Variants in PCDHA9 observed in about 807,000 individuals in gnomAD.
The protein encoded by PCDHA9 is protocadherin alpha-9.
PCDHA9 carries 62 observed loss-of-function variants against 62.0 expected under a neutral mutation model. The ratio of observed to expected loss-of-function variants is 1.00; its 90% CI spans 0.81 to 1.23. PCDHA9 has a LOEUF of 1.23. PCDHA9 is among the 50% of genes most tolerant of loss of function. PCDHA9 has a pLI of 0.00. For synonymous variants in PCDHA9, 557 were observed against 567.6 expected (o/e 0.98, Z 0.27); for missense variants, 1,205 against 1,249.8 (o/e 0.96, Z 0.54).
intron 1 of PCDHA9, among the ~76,000 whole-genome samples, chr5:140,963,688 G>A (rs185853589): frequency 5.9e-5 from 9 of 152,274 alleles, no homozygotes; most frequent in Admixed American, 5.9e-4. Context: ...GTTTATCCGT[G>A]TTTGATATCT....
intron 1 of PCDHA9, among the ~76,000 whole-genome samples, chr5:140,896,352 A>G (rs1045413506): frequency 2.6e-5 from 4 of 152,166 alleles, no homozygotes; most frequent in African/African-American, 4.8e-5. Flanking sequence ...TCCCGCCAGC[A>G]GTGTATAAGC....
intron 1 of PCDHA9, among the ~76,000 whole-genome samples, chr5:140,963,905 G>A (rs1326633249): frequency 6.6e-6 from 1 of 152,182 alleles, no homozygotes; most frequent in African/African-American, 2.4e-5. Flanking sequence ...TGAGTAAAGT[G>A]AAGCTTAGGC....
intron 1 of PCDHA9, chr5:140,928,720 A>G (rs2085475122): frequency 6.2e-7 from 1 of 1,614,076 alleles, no homozygotes. Flanking sequence ...TAGTCTCTTT[A>G]GAATTTCAGC....
chr5:140,898,528 TG>T (rs2066807286), intron 1 of PCDHA9, among the ~76,000 whole-genome samples: 1 of 152,236 alleles, frequency 6.6e-6, no homozygotes, highest in African/African-American at 2.4e-5. Flanking sequence ...CTGAGGGCTC[TG>T]TTCTGTTCCA....
In PCDHA9 at chr5:140,882,102, C is replaced by A. The variant is rs2058951166; in HGVS notation, c.2394+31213C>A. 1.4e-5 allele frequency: 18 copies of A among 1,308,166 alleles called. No individual in the cohort carries two copies. In the South Asian group the frequency reaches 2.1e-4, roughly 16 times the overall value. 81.0% of individuals were successfully genotyped at this position (1,308,166 alleles called of 1,614,324 possible). On this transcript the variant is annotated intron_variant, in intron 1 of 3. Transcript: ENST00000532602. ...TCGCTCTTCACTGAGAACGTTTCCG[C>A]GAAGAAAGCCGCCGTTTCTTTCTTC...
chr5:140,928,697 G>A (rs1554206190), intron 1 of PCDHA9: 1 of 1,614,122 alleles, frequency 6.2e-7, no homozygotes, highest in Non-Finnish European at 8.5e-7. Context: ...CACATCTCCC[G>A]GGCGTCTGAC....
At position 140,877,303 on chromosome 5, in the gene PCDHA9, T is replaced by C. The variant is rs566187421; in HGVS notation, c.2394+26414T>C. 3.5e-4 allele frequency: 564 copies of C among 1,613,850 alleles called. 6 individuals are homozygous for C. In the South Asian group the frequency reaches 5.9e-3, roughly 17 times the overall value. On this transcript the variant is annotated intron_variant, in intron 1 of 3. Transcript: ENST00000532602. ...CTATAACGCTTGGCTGTCCTACGAGTTGCAACCGGCGGCGGTCGGCGCGCA... is the reference window on the plus strand; with the variant it reads ...CTATAACGCTTGGCTGTCCTACGAGCTGCAACCGGCGGCGGTCGGCGCGCA...
chr5:140,967,074 A>C (rs1554229140), intron 1 of PCDHA9: 1 of 1,613,138 alleles, frequency 6.2e-7, no homozygotes. Flanking sequence ...TTCGTCAACG[A>C]GCGCATTGAT....
intron 1 of PCDHA9, chr5:140,854,171 A>AAAAAC (rs2043016661): frequency 1.5e-5 from 10 of 677,894 alleles, no homozygotes; most frequent in Non-Finnish European, 1.8e-5. Context: ...AAAAAAAAAA[A>AAAAAC]AAAAAGAGTA....
chr5:140,967,887 T>G, intron 1 of PCDHA9: 1 of 1,614,078 alleles, frequency 6.2e-7, no homozygotes, highest in Non-Finnish European at 8.5e-7. Flanking sequence ...TATAGCCCAG[T>G]GCCTGAGAAT....
chr5:140,925,647 A>AATAATAATC (rs1477954591), intron 1 of PCDHA9, among the ~76,000 whole-genome samples: 5 of 123,794 alleles, frequency 4.0e-5, no homozygotes, highest in Non-Finnish European at 7.0e-5. Flanking sequence ...AAAGTATAAT[A>AATAATAATC]ATAATAATAA....
rs934191848 is a variant in PCDHA9 at position 140,866,248 on chromosome 5, C to A, written c.2394+15359C>A. 5.9e-5 allele frequency: 9 copies of A among 152,184 alleles called. 1 individual carries two copies. Among genetic ancestry groups the A allele is most frequent in the Admixed American group, 3.9e-4 (6 of 15,284 alleles). 9.4% of individuals were successfully genotyped at this position (152,184 alleles called of 1,614,324 possible). A position where few individuals can be genotyped will look rare whatever the true frequency, so the allele number is the denominator to read the frequency against. ...TAAATACTATATACCAAAAATGACACCCTTCTTTCTTTACTGTGAATAAAG... is the reference window on the plus strand; with the variant it reads ...TAAATACTATATACCAAAAATGACAACCTTCTTTCTTTACTGTGAATAAAG... On this transcript the variant is annotated intron_variant, in intron 1 of 3. Coordinates refer to ENST00000532602, the MANE Select transcript of PCDHA9 (RefSeq NM_031857.2).
chr5:140,976,788 G>A (rs969853431), intron 1 of PCDHA9, among the ~76,000 whole-genome samples: 4 of 152,218 alleles, frequency 2.6e-5, no homozygotes, highest in Middle Eastern at 3.4e-3. Flanking sequence ...ATATAGCTAC[G>A]CTTTTATGAA....
chr5:140,983,504 G>A (rs2097054493), intron 3 of PCDHA9, among the ~76,000 whole-genome samples: 1 of 152,160 alleles, frequency 6.6e-6, no homozygotes, highest in Non-Finnish European at 1.5e-5. Flanking sequence ...GCCATAATAT[G>A]CCTAGACACT....
At position 140,856,290 on chromosome 5, in the gene PCDHA9, G is replaced by A. The variant is rs143002904; in HGVS notation, c.2394+5401G>A. 7.5e-3 allele frequency: 12,003 copies of A among 1,598,482 alleles called. 1,113 individuals are homozygous for A. The highest frequency in any genetic ancestry group is 7.4e-3 in the Non-Finnish European group (8,655 of 1,168,072). On this transcript the variant is annotated intron_variant, in intron 1 of 3. Coordinates refer to ENST00000532602, the MANE Select transcript of PCDHA9 (RefSeq NM_031857.2). ...CTTCTGGAGGTAAATCTGCAGAATG[G>A]CATTTTGTTTGTGAATTCTCGGATT...
At chr5:140,855,874 T>C (rs1554147980) in intron 1 of PCDHA9, 13 of 866,802 alleles carry the variant, frequency 1.5e-5, no homozygotes, top group East Asian at 2.6e-5. Flanking sequence ...GTCCACAAAA[T>C]AGCTTTTTAG....
intron 1 of PCDHA9, chr5:140,869,122 A>G (rs1562622538): frequency 2.5e-6 from 4 of 1,607,706 alleles, no homozygotes; most frequent in Non-Finnish European, 3.4e-6. Flanking sequence ...TTTTCAGAGA[A>G]GGGGATTGGG....
chr5:140,967,052 A>C (rs1554229118), intron 1 of PCDHA9: 1 of 1,612,532 alleles, frequency 6.2e-7, no homozygotes, highest in Non-Finnish European at 8.5e-7. Context: ...GGACCTGACG[A>C]GTGGAGCGCT....
chr5:140,967,762 G>A, intron 1 of PCDHA9: 1 of 1,614,216 alleles, frequency 6.2e-7, no homozygotes, highest in Non-Finnish European at 8.5e-7. Flanking sequence ...CCTCCTACCA[G>A]ATCTATGTGC....
Sources: allele counts gnomAD v4.1 joint callset (sites outside exome capture counted in the v4.1 genomes callset), GRCh38; gene constraint gnomAD v4.1.1; transcripts MANE v1.5; gene names NCBI Gene and HGNC (gene_info 2026-07-23, HGNC 2026-07-21).